The following CLMN variants were observed in gnomAD, a reference collection of about 807,000 sequenced individuals.
The protein encoded by CLMN is calmin (calponin-like, transmembrane).
A neutral mutation model predicts 92.7 loss-of-function variants in CLMN; 57 were observed. That is an observed-to-expected ratio of 0.61 (90% CI 0.50 to 0.77). CLMN has a LOEUF of 0.77. Ranked by LOEUF, CLMN falls within the 30% of genes least tolerant of loss-of-function variation. The probability of loss-of-function intolerance (pLI) is 0.00; values close to 1 mark genes in which losing one functional copy is unlikely to be tolerated. For synonymous variants in CLMN, 466 were observed against 470.6 expected, an observed-to-expected ratio of 0.99 and a Z score of 0.13; for missense variants, 1,158 against 1,237.5, an observed-to-expected ratio of 0.94 and a Z score of 0.96.
intron 1 of CLMN, among the ~76,000 whole-genome samples, chr14:95,245,862 G>A (rs1378707310): frequency 7.3e-6 from 1 of 136,968 alleles, no homozygotes; most frequent in African/African-American, 3.1e-5. Context: ...CTGGATGGAT[G>A]GATGCATGGA....
At chr14:95,270,980 G>T (rs528190252) in intron 1 of CLMN, among the ~76,000 whole-genome samples, 7 of 152,244 alleles carry the variant, frequency 4.6e-5, no homozygotes, top group Non-Finnish European at 7.4e-5. Context: ...CACTTGTAAT[G>T]GTCTCTTTTA....
intron 6 of CLMN, among the ~76,000 whole-genome samples, chr14:95,211,471 C>A (rs1041811058): frequency 6.6e-6 from 1 of 152,024 alleles, no homozygotes; most frequent in Non-Finnish European, 1.5e-5. Context: ...AATAAAAGCA[C>A]CATTGTAAAA....
At chr14:95,279,568 G>T (rs1900065047) in intron 1 of CLMN, among the ~76,000 whole-genome samples, 1 of 152,222 alleles carries the variant, frequency 6.6e-6, no homozygotes, top group South Asian at 2.1e-4. Context: ...CGGATCATGA[G>T]GTCAGGAGAT....
At chr14:95,227,538 C>T (rs899901511) in intron 2 of CLMN, among the ~76,000 whole-genome samples, 2 of 152,176 alleles carry the variant, frequency 1.3e-5, no homozygotes, top group Non-Finnish European at 2.9e-5. Context: ...TTCCAGTTAC[C>T]AGCCCCGGCC....
intron 1 of CLMN, among the ~76,000 whole-genome samples, chr14:95,258,738 G>A (rs551568309): frequency 2.7e-5 from 4 of 145,460 alleles, no homozygotes; most frequent in African/African-American, 1.0e-4. Context: ...GTATGTATCT[G>A]TGGTGTGTGT....
intron 4 of CLMN, among the ~76,000 whole-genome samples, chr14:95,215,979 T>C (rs1033691538): frequency 6.6e-6 from 1 of 152,190 alleles, no homozygotes; most frequent in Non-Finnish European, 1.5e-5. Flanking sequence ...TCTAAACTTC[T>C]TACAAATATT....
intron 1 of CLMN, among the ~76,000 whole-genome samples, chr14:95,288,427 T>C (rs549741185): frequency 1.3e-5 from 2 of 152,220 alleles, no homozygotes; most frequent in East Asian, 3.9e-4. Context: ...GCAGAGGGAA[T>C]AGCAGATGCA....
At chr14:95,233,071 C>T (rs1897940186) in intron 1 of CLMN, among the ~76,000 whole-genome samples, 1 of 152,188 alleles carries the variant, frequency 6.6e-6, no homozygotes, top group African/African-American at 2.4e-5. Context: ...CCGGTTTATG[C>T]TTTTACCCCC....
At chr14:95,215,592 A>T in intron 5 of CLMN, 49 bp downstream of exon 5, 1 of 1,524,740 alleles carries the variant, frequency 6.6e-7, no homozygotes, top group Non-Finnish European at 9.1e-7. Flanking sequence ...GTGGCTGCTC[A>T]GCAGACACAA....
chr14:95,255,510 AG>A (rs1046802610), intron 1 of CLMN, among the ~76,000 whole-genome samples: 5 of 152,218 alleles, frequency 3.3e-5, no homozygotes, highest in Admixed American at 3.3e-4. Context: ...GAAAAAGCAT[AG>A]TACATATAGG....
chr14:95,201,696 C>T (rs1363538489), intron 9 of CLMN, among the ~76,000 whole-genome samples: 11 of 151,764 alleles, frequency 7.2e-5, no homozygotes, highest in African/African-American at 1.2e-4. Context: ...TTTTAAGGCC[C>T]GCATGCATTA....
chr14:95,190,480 G>C lies in CLMN; in HGVS notation c.*1084C>G, dbSNP rs889238734. ...CAAGGGGAGGAGGAACCAATGCAGA[G>C]ACTCACCACGGACCTGAGTCTTGGC... On this transcript the variant is annotated 3_prime_UTR_variant, in exon 13 of 13. Transcript: ENST00000298912. 6.6e-6 allele frequency: 1 copy of C among 152,600 alleles called. No homozygotes were observed. Among genetic ancestry groups the C allele is most frequent in the Admixed American group, 6.5e-5 (1 of 15,286 alleles). The allele number at this position is 152,600 out of a possible 1,614,324, so 9.5% of individuals were successfully genotyped here.
At chr14:95,254,521 A>G (rs1898917322) in intron 1 of CLMN, among the ~76,000 whole-genome samples, 1 of 152,082 alleles carries the variant, frequency 6.6e-6, no homozygotes, top group Non-Finnish European at 1.5e-5. Context: ...TCGTGCACAC[A>G]CACTTGGACG....
rs151131323 is a variant in CLMN, at chr14:95,204,281, G to T, written c.1068C>A (p.Pro356=). Residue 356 remains proline, a synonymous_variant, in exon 9 of 13, where the codon CCC becomes CCA. Transcript: ENST00000298912. ...PPSKVFVCDK[P]ESMKEFRLDG... is the part of the protein sequence containing the mutation. ...CCAGGCGGAATTCCTTCATGCTCTC[G>T]GGCTTGTCACAGACAAAGACTTTGG... 35 of 1,614,042 alleles carry T rather than the reference G, an allele frequency of 2.2e-5. No individual in the cohort carries two copies. Among genetic ancestry groups the T allele is most frequent in the Non-Finnish European group, 3.0e-5 (35 of 1,179,984 alleles).
rs539397741 is a variant in CLMN at position 95,300,167 on chromosome 14, G to T, written c.82+19544C>A. ...CCACTCCATGGGCACCACTGGGTTA[G>T]CTCTGGGCCAGGCTCCCAGAGGTGG... is the stretch of plus-strand genomic sequence containing the variant. On this transcript the variant is annotated intron_variant, in intron 1 of 12. Coordinates refer to ENST00000298912, the MANE Select transcript of CLMN (RefSeq NM_024734.4). 1.1e-4 allele frequency among the ~76,000 whole-genome samples: 17 copies of T among 152,350 alleles called. No individual in the cohort carries two copies. The East Asian group carries it at 2.9e-3, about 26-fold the overall frequency.
At chr14:95,291,367 C>G (rs749528888) in intron 1 of CLMN, among the ~76,000 whole-genome samples, 6 of 152,192 alleles carry the variant, frequency 3.9e-5, no homozygotes, top group Non-Finnish European at 8.8e-5. Context: ...CCCTGCAGCT[C>G]CTGCGTCTCG....
At chr14:95,209,153 C>T (rs1305858800) in intron 8 of CLMN, among the ~76,000 whole-genome samples, 2 of 152,084 alleles carry the variant, frequency 1.3e-5, no homozygotes, top group African/African-American at 4.8e-5. Flanking sequence ...ATATAGGGTT[C>T]GGTACTATCC....
rs184219240 is a variant in CLMN, at chr14:95,194,658, C to T, written c.2709-62G>A. 6.4e-5 allele frequency: 96 copies of T among 1,505,678 alleles called. No homozygotes were observed. The highest frequency in any genetic ancestry group is 3.6e-4 in the East Asian group (16 of 44,276). The allele number at this position is 1,505,678 out of a possible 1,614,324, so 93.3% of individuals were successfully genotyped here. A position where few individuals can be genotyped will look rare whatever the true frequency, so the allele number is the denominator to read the frequency against. The stretch of plus-strand genomic sequence containing the variant: ...TGGAGCTCTTCATGGCTCAGTTGTA[C>T]GGTCACCCCCATCCTGGGGTTTCCA... On this transcript the variant is annotated intron_variant, in intron 10 of 12. Coordinates refer to ENST00000298912, the MANE Select transcript of CLMN (RefSeq NM_024734.4). This position sits in a 1 kb window ranked among gnomAD's most constrained non-coding sequence, Gnocchi z 4.0.
chr14:95,263,663 G>A (rs1899351165), intron 1 of CLMN, among the ~76,000 whole-genome samples: 1 of 152,252 alleles, frequency 6.6e-6, no homozygotes, highest in Non-Finnish European at 1.5e-5. Context: ...CCAGCTGGAA[G>A]GGCATGAGAC....
Sources: allele counts gnomAD v4.1 joint callset (sites outside exome capture counted in the v4.1 genomes callset), GRCh38; gene constraint gnomAD v4.1.1; non-coding constraint Gnocchi (gnomAD v3.1); transcripts MANE v1.5; gene names NCBI Gene and HGNC (gene_info 2026-07-23, HGNC 2026-07-21).